The following CHLSN variants were observed in gnomAD, a reference collection of about 807,000 sequenced individuals.
CHLSN encodes the protein protein cholesin.
At chr7:987,544 C>T in the CHLSN span, 1 of 1,505,026 alleles carries the variant, frequency 6.6e-7, no homozygotes, top group Non-Finnish European at 8.9e-7. Flanking sequence ...GGGGCTGGGC[C>T]TCCCTTGCCC....
At chr7:1,099,977 A>G in the CHLSN span, among the ~76,000 whole-genome samples, 1 of 152,142 alleles carries the variant, frequency 6.6e-6, no homozygotes, top group South Asian at 2.1e-4. Flanking sequence ...AATCTGAGCT[A>G]TGGAACCTGG....
At chr7:1,100,267 T>G in the CHLSN span, among the ~76,000 whole-genome samples, 14 of 152,296 alleles carry the variant, frequency 9.2e-5, no homozygotes, top group African/African-American at 3.1e-4. Flanking sequence ...TTCTCAGGCC[T>G]CCTGAAGCTG....
the CHLSN span, chr7:997,730 C>T: frequency 6.2e-7 from 1 of 1,611,636 alleles, no homozygotes; most frequent in South Asian, 1.1e-5. Flanking sequence ...CCGCCTTCTG[C>T]ACCGTCAGCT....
At chr7:1,115,504 G>C in the CHLSN span, among the ~76,000 whole-genome samples, 4 of 149,462 alleles carry the variant, frequency 2.7e-5, 1 homozygote, top group Non-Finnish European at 4.5e-5. Flanking sequence ...ACAGCTCTAC[G>C]GACCGGCTTC....
At chr7:1,016,889 C>CACAGCAGCACA in the CHLSN span, among the ~76,000 whole-genome samples, 3 of 89,496 alleles carry the variant, frequency 3.4e-5, no homozygotes, top group Non-Finnish European at 4.4e-5. Context: ...GCAGCACACA[C>CACAGCAGCACA]CAGCGCACAG....
At chr7:1,043,861 G>C in the CHLSN span, 1 of 152,276 alleles carries the variant, frequency 6.6e-6, no homozygotes, top group African/African-American at 2.4e-5. Context: ...AGTCTATGCG[G>C]AACTGTGCAA....
the CHLSN span, among the ~76,000 whole-genome samples, chr7:1,005,489 G>A: frequency 6.6e-6 from 1 of 152,270 alleles, no homozygotes; most frequent in Non-Finnish European, 1.5e-5. Context: ...AGCGGGGCTG[G>A]CGCGGACAGG....
At chr7:1,059,400 G>GT in the CHLSN span, 2 of 152,588 alleles carry the variant, frequency 1.3e-5, no homozygotes, top group East Asian at 3.9e-4. Flanking sequence ...ACCAGCATCC[G>GT]TATCTCCGCG....
chr7:1,037,435 G>A, the CHLSN span, among the ~76,000 whole-genome samples: 53 of 122,932 alleles, frequency 4.3e-4, 8 homozygotes, highest in South Asian at 4.0e-3. Context: ...TGGTGGAGAC[G>A]GGGTTTCGCT....
At chr7:1,001,017 C>T in the CHLSN span, among the ~76,000 whole-genome samples, 5 of 152,344 alleles carry the variant, frequency 3.3e-5, no homozygotes, top group East Asian at 5.8e-4. Flanking sequence ...GAGCAGCTCC[C>T]GGCTGCTAGA....
chr7:995,899 G>A, the CHLSN span, among the ~76,000 whole-genome samples: 2 of 152,196 alleles, frequency 1.3e-5, no homozygotes, highest in Non-Finnish European at 2.9e-5. Context: ...TGCTGGCCAA[G>A]GAAGAGCAAA....
At chr7:1,091,032 A>C in the CHLSN span, among the ~76,000 whole-genome samples, 1 of 152,118 alleles carries the variant, frequency 6.6e-6, no homozygotes, top group Non-Finnish European at 1.5e-5. Context: ...CAGCTGCTGA[A>C]ATGCATTTTC....
At chr7:1,126,923 C>T in the CHLSN span, among the ~76,000 whole-genome samples, 1 of 152,116 alleles carries the variant, frequency 6.6e-6, no homozygotes, top group Admixed American at 6.5e-5. Flanking sequence ...GGTGAGGAGC[C>T]GCCCCTCGCA....
chr7:1,093,214 A>AC, the CHLSN span: 5 of 502,092 alleles, frequency 1.0e-5, no homozygotes, highest in Non-Finnish European at 2.0e-5. Context: ...CAGGAAAGCC[A>AC]CACGGAGAGG....
chr7:1,091,870 G>A, the CHLSN span: 8 of 1,613,500 alleles, frequency 5.0e-6, no homozygotes, highest in Non-Finnish European at 5.9e-6. Flanking sequence ...TGGGACAGGT[G>A]AGCTCTCGGA....
the CHLSN span, among the ~76,000 whole-genome samples, chr7:1,089,657 G>C: frequency 6.6e-6 from 1 of 150,632 alleles, no homozygotes; most frequent in Non-Finnish European, 1.5e-5. Context: ...TCCTGAACTT[G>C]AGCAATCCTC....
the CHLSN span, among the ~76,000 whole-genome samples, chr7:1,073,394 G>A: frequency 2.0e-5 from 3 of 152,052 alleles, no homozygotes; most frequent in Non-Finnish European, 2.9e-5. Context: ...CAGCTCCTCC[G>A]GCGCCCCAGC....
chr7:1,048,563 T>C, the CHLSN span, among the ~76,000 whole-genome samples: 97 of 152,152 alleles, frequency 6.4e-4, 2 homozygotes, highest in South Asian at 2.1e-4. Flanking sequence ...TCCATTTCTA[T>C]TGGGAAACCC....
At chr7:978,249 G>A in the CHLSN span, among the ~76,000 whole-genome samples, 1 of 152,212 alleles carries the variant, frequency 6.6e-6, no homozygotes, top group Non-Finnish European at 1.5e-5. Context: ...TGGGGGCGGT[G>A]GCTCACACCT....
Sources: allele counts gnomAD v4.1 joint callset (sites outside exome capture counted in the v4.1 genomes callset), GRCh38; gene constraint gnomAD v4.1.1; transcripts MANE v1.5; gene names NCBI Gene and HGNC (gene_info 2026-07-23, HGNC 2026-07-21).